The following ZBTB43 variants were observed in gnomAD, a reference collection of about 807,000 sequenced individuals.
ZBTB43 encodes zinc finger and BTB domain-containing protein 43.
ZBTB43 carries 6 observed loss-of-function variants against 31.1 expected under a neutral mutation model. That is an observed-to-expected ratio of 0.19 (90% CI 0.11 to 0.38). The LOEUF (loss-of-function observed/expected upper bound fraction) is 0.38, where lower values mean the gene tolerates loss of function less well. Ranked by LOEUF, ZBTB43 falls within the 10% of genes least tolerant of loss-of-function variation. The pLI, the probability that ZBTB43 is intolerant of heterozygous loss-of-function variation, is 1.00. For missense variants in ZBTB43, 379 were observed against 602.1 expected (o/e 0.63, Z 3.88); for synonymous variants, 212 against 221.7 (o/e 0.96, Z 0.39).
rs181472860 is a variant in ZBTB43 at position 126,811,020 on chromosome 9, G to A, written c.-24+2105G>A. On this transcript the variant is annotated intron_variant, in intron 2 of 2. Transcript: ENST00000373464. The stretch of plus-strand genomic sequence containing the variant: ...CAGATCACATGAGGGTCAGGAGTTC[G>A]AGACCAACCTGGCCAACATGGTGAA... Among the ~76,000 whole-genome samples the A allele has an allele frequency of 1.1e-3, 173 of 151,412 alleles. 1 individual carries two copies. Among genetic ancestry groups the A allele is most frequent in the African/African-American group, 3.5e-3 (144 of 41,362 alleles).
At chr9:126,818,545 T>TGC (rs1313399771) in intron 2 of ZBTB43, among the ~76,000 whole-genome samples, 4 of 152,098 alleles carry the variant, frequency 2.6e-5, no homozygotes, top group Admixed American at 2.6e-4. Context: ...ACGCCTAGCT[T>TGC]CTTGAGTGTT....
At chr9:126,825,411 A>G (rs149965287) in intron 2 of ZBTB43, among the ~76,000 whole-genome samples, 1 of 152,172 alleles carries the variant, frequency 6.6e-6, no homozygotes, top group Non-Finnish European at 1.5e-5. Flanking sequence ...CCGTAACAAA[A>G]TACTACAGGC....
rs1019155012 is a variant in ZBTB43, at chr9:126,834,463, C to G, written c.*550C>G. On this transcript the variant is annotated 3_prime_UTR_variant, in exon 3 of 3. Coordinates refer to ENST00000373464, the MANE Select transcript of ZBTB43 (RefSeq NM_014007.4). The stretch of plus-strand genomic sequence containing the variant: ...TTAGTCTTTCTAAAGGATATTTTAA[C>G]TAAAACTATGGAGATGCTAAGAGAG... 6.0e-6 allele frequency: 1 copy of G among 167,200 alleles called. No individual in the cohort carries two copies. The highest frequency in any genetic ancestry group is 1.5e-5 in the Non-Finnish European group (1 of 68,290). The allele number at this position is 167,200 out of a possible 1,614,324, so 10.4% of individuals were successfully genotyped here. A position where few individuals can be genotyped will look rare whatever the true frequency, so the allele number is the denominator to read the frequency against.
Position 126,832,961 on chromosome 9 carries a change from T to G in ZBTB43, c.452T>G (p.Leu151Arg). Residue 151 changes from leucine to arginine, a missense_variant, in exon 3 of 3, where the codon CTG (leucine) becomes CGG (arginine). Around this residue, in one of 5 missense-constraint regions of ZBTB43, gnomAD observed 253 missense variants for 322.3 expected, o/e 0.79. Coordinates refer to ENST00000373464, the MANE Select transcript of ZBTB43 (RefSeq NM_014007.4). Reference protein sequence around the residue: ...QSPSSSSYNGLVESFELGSGG... With the variant: ...QSPSSSSYNGRVESFELGSGG... ...CCAAGCAGCAGTAGTTATAATGGCC[T>G]GGTAGAGAGCTTTGAGCTGGGCTCT... The G allele has an allele frequency of 6.2e-7, 1 of 1,613,746 alleles. No individual in the cohort carries two copies. Among genetic ancestry groups the G allele is most frequent in the Non-Finnish European group, 8.5e-7 (1 of 1,179,986 alleles).
In ZBTB43 at chr9:126,833,448, G is replaced by A. The variant is rs371000662; in HGVS notation, c.939G>A (p.Glu313=). 8 of 1,614,186 alleles carry A rather than the reference G, an allele frequency of 5.0e-6. No homozygotes were observed. In the South Asian group the frequency reaches 8.8e-5, roughly 18 times the overall value. Residue 313 remains glutamate (E), a synonymous_variant, in exon 3 of 3, where the codon GAG becomes GAA. Coordinates refer to ENST00000373464, the MANE Select transcript of ZBTB43 (RefSeq NM_014007.4). The surrounding 1 kb of genome is among the most constrained non-coding windows in gnomAD (Gnocchi z 7.9). ...DEQADESNYD[E]QVDFYGSSME... ...AGGCTGATGAAAGCAATTATGATGA[G>A]CAGGTGGATTTCTATGGCTCTTCCA... is the stretch of plus-strand genomic sequence containing the variant.
Position 126,833,944 on chromosome 9 carries a change from C to A in ZBTB43, c.*31C>A. On this transcript the variant is annotated 3_prime_UTR_variant, in exon 3 of 3. Coordinates refer to ENST00000373464, the MANE Select transcript of ZBTB43 (RefSeq NM_014007.4). The surrounding 1 kb of genome is among the most constrained non-coding windows in gnomAD (Gnocchi z 7.9). Reference sequence around the variant, plus strand: ...GGATCTGGCCCTTGAGTGGCATGCACAAAAATAAACTATGGTAATTAATGC... The same window carrying A: ...GGATCTGGCCCTTGAGTGGCATGCAAAAAAATAAACTATGGTAATTAATGC... 1 of 1,519,922 alleles carries A rather than the reference C, an allele frequency of 6.6e-7. No homozygotes were observed. Among genetic ancestry groups the A allele is most frequent in the Non-Finnish European group, 8.9e-7 (1 of 1,126,152 alleles). The allele number at this position is 1,519,922 out of a possible 1,614,324, so 94.2% of individuals were successfully genotyped here. A position where few individuals can be genotyped will look rare whatever the true frequency, so the allele number is the denominator to read the frequency against.
At chr9:126,812,525 C>A (rs540875389) in intron 2 of ZBTB43, among the ~76,000 whole-genome samples, 1 of 152,304 alleles carries the variant, frequency 6.6e-6, no homozygotes, top group Admixed American at 6.5e-5. Flanking sequence ...ATTTTACATG[C>A]CCACCAGCAA....
At chr9:126,825,900 C>T (rs2032622676) in intron 2 of ZBTB43, among the ~76,000 whole-genome samples, 1 of 140,968 alleles carries the variant, frequency 7.1e-6, no homozygotes, top group East Asian at 2.1e-4. Context: ...GGCTGAAGTG[C>T]AGTGGTGCCA....
At chr9:126,832,313 C>T (rs1183029845) in intron 2 of ZBTB43, 174 bp from the exon 3 acceptor site, 7 of 635,272 alleles carry the variant, frequency 1.1e-5, no homozygotes, top group African/African-American at 7.3e-5. Flanking sequence ...TGAGTCCTGC[C>T]TTTGGCAAAC....
intron 2 of ZBTB43, among the ~76,000 whole-genome samples, chr9:126,826,154 C>T (rs145345834): frequency 0.016 from 2,478 of 151,730 alleles, 73 homozygotes; most frequent in African/African-American, 0.056. Flanking sequence ...GCTGGTATTA[C>T]AGGCGCCCAC....
intron 2 of ZBTB43, among the ~76,000 whole-genome samples, chr9:126,815,357 A>AT: frequency 7.0e-6 from 1 of 142,668 alleles, no homozygotes; most frequent in East Asian, 2.4e-4. Flanking sequence ...AATATATAAA[A>AT]ATATATATAT....
rs1588370412 is a variant in ZBTB43 at position 126,833,796 on chromosome 9, G to A, written c.1287G>A (p.Glu429=). The A allele has an allele frequency of 3.1e-6, 5 of 1,611,210 alleles. No individual in the cohort carries two copies. Among genetic ancestry groups the A allele is most frequent in the Non-Finnish European group, 3.4e-6 (4 of 1,177,512 alleles). ...MKIHTGIKPY[E]CNICAKRFMW... The stretch of plus-strand genomic sequence containing the variant: ...TTCACACAGGCATAAAGCCGTATGA[G>A]TGTAATATCTGTGCAAAGAGGTTTA... Residue 429 remains glutamate (E), a synonymous_variant, in exon 3 of 3, where the codon GAG becomes GAA. Coordinates refer to ENST00000373464, the MANE Select transcript of ZBTB43 (RefSeq NM_014007.4). This position sits in a 1 kb window ranked among gnomAD's most constrained non-coding sequence, Gnocchi z 7.9.
chr9:126,804,169 G>T (rs535813312), upstream of ZBTB43, among the ~76,000 whole-genome samples: 3 of 152,136 alleles, frequency 2.0e-5, no homozygotes, highest in African/African-American at 7.2e-5. Flanking sequence ...CACTAACATG[G>T]GGGGGCAGTG....
chr9:126,804,784 C>G (rs941017219), upstream of ZBTB43, among the ~76,000 whole-genome samples: 1 of 152,264 alleles, frequency 6.6e-6, no homozygotes, highest in Admixed American at 6.5e-5. Context: ...CGCGCCTGGC[C>G]TATGCCAAGG....
Position 126,832,740 on chromosome 9 carries a change from C to T in ZBTB43, c.231C>T (p.Asn77=), listed in dbSNP as rs1226152628. 1.2e-6 allele frequency: 2 copies of T among 1,614,150 alleles called. No individual in the cohort carries two copies. Among genetic ancestry groups the T allele is most frequent in the Non-Finnish European group, 1.7e-6 (2 of 1,180,038 alleles). ...SRRIVLPDVM[N]PRVFENILLS... ...GAATTGTTTTGCCTGATGTGATGAACCCAAGAGTGTTTGAGAACATTCTCC... is the reference window on the plus strand; with the variant it reads ...GAATTGTTTTGCCTGATGTGATGAATCCAAGAGTGTTTGAGAACATTCTCC... The change falls in exon 3 of 3, where the codon AAC becomes AAT. Residue 77 remains asparagine (N), a synonymous_variant. Coordinates refer to ENST00000373464, the MANE Select transcript of ZBTB43 (RefSeq NM_014007.4).
At chr9:126,813,350 T>G (rs1343329732) in intron 2 of ZBTB43, among the ~76,000 whole-genome samples, 1 of 152,196 alleles carries the variant, frequency 6.6e-6, no homozygotes. Context: ...CTTCAGACTT[T>G]CTCCTGCTTT....
chr9:126,835,829 CT>C lies in ZBTB43; in HGVS notation c.*1917del, dbSNP rs1481980135. The stretch of plus-strand genomic sequence containing the variant: ...AAACGTTACTGGTTAGCAGTCTTTT[CT>C]CTGTGTACCTGACACACGTATACTG... On this transcript the variant is annotated 3_prime_UTR_variant, in exon 3 of 3. Coordinates refer to ENST00000373464, the MANE Select transcript of ZBTB43 (RefSeq NM_014007.4). 1 of 166,754 alleles carries C rather than the reference CT, an allele frequency of 6.0e-6. No individual in the cohort carries two copies. The highest frequency in any genetic ancestry group is 1.5e-5 in the Non-Finnish European group (1 of 68,094). 10.3% of individuals were successfully genotyped at this position (166,754 alleles called of 1,614,324 possible). A position where few individuals can be genotyped will look rare whatever the true frequency, so the allele number is the denominator to read the frequency against.
rs373029352 is a variant in ZBTB43 at position 126,807,116 on chromosome 9, G to A, written c.-146-1677G>A. 3.9e-5 allele frequency among the ~76,000 whole-genome samples: 6 copies of A among 152,164 alleles called. No homozygotes were observed. The East Asian group carries it at 9.6e-4, about 24-fold the overall frequency. The stretch of plus-strand genomic sequence containing the variant: ...ATTTGCCTTTAAGGTAGTTTATCAA[G>A]CTTTCTAATAAGATATCACAACTGA... On this transcript the variant is annotated intron_variant, in intron 1 of 2. Coordinates refer to ENST00000373464, the MANE Select transcript of ZBTB43 (RefSeq NM_014007.4).
chr9:126,833,563 G>A lies in ZBTB43; in HGVS notation c.1054G>A (p.Glu352Lys). The change falls in exon 3 of 3, where the codon GAA becomes AAA. Residue 352 changes from glutamate to lysine, a missense_variant. Transcript: ENST00000373464. This position sits in a 1 kb window ranked among gnomAD's most constrained non-coding sequence, Gnocchi z 7.9. Reference sequence around the variant, plus strand: ...CGCAGCAGGTTACAGTGAGAATATTGAAATGGTAACAGGGATTAAAGAAGA... The same window carrying A: ...CGCAGCAGGTTACAGTGAGAATATTAAAATGGTAACAGGGATTAAAGAAGA... ...ALAAGYSENIEMVTGIKEEAS... is the reference protein window; with the variant it reads ...ALAAGYSENIKMVTGIKEEAS... 6.2e-7 allele frequency: 1 copy of A among 1,614,040 alleles called. No homozygotes were observed.
Sources: allele counts gnomAD v4.1 joint callset (sites outside exome capture counted in the v4.1 genomes callset), GRCh38; gene constraint gnomAD v4.1.1; regional missense constraint gnomAD v4.1.1; non-coding constraint Gnocchi (gnomAD v3.1); transcripts MANE v1.5; gene names NCBI Gene and HGNC (gene_info 2026-07-23, HGNC 2026-07-21).